The following FUT9 variants were observed in gnomAD, a reference collection of about 807,000 sequenced individuals.
The protein encoded by FUT9 is 4-galactosyl-N-acetylglucosaminide 3-alpha-L-fucosyltransferase 9.
Under a neutral mutation model 29.7 loss-of-function variants are expected in FUT9, and 15 were observed. That is an observed-to-expected ratio of 0.51 (90% CI 0.34 to 0.78). FUT9 has a LOEUF of 0.78. FUT9 is among the 30% of genes least tolerant of loss of function. The pLI is 0.01. For missense variants in FUT9, 319 were observed against 425.4 expected (o/e 0.75, Z 2.20); for synonymous variants, 169 against 153.7 (o/e 1.10, Z -0.74).
chr6:96,119,211 T>C (rs1189386454), intron 2 of FUT9, among the ~76,000 whole-genome samples: 1 of 152,226 alleles, frequency 6.6e-6, no homozygotes, highest in Non-Finnish European at 1.5e-5. Flanking sequence ...CTTCCAGTCC[T>C]GCAAGCTCCA....
chr6:96,182,909 C>T (rs1464101044), intron 2 of FUT9, among the ~76,000 whole-genome samples: 2 of 151,894 alleles, frequency 1.3e-5, no homozygotes, highest in Non-Finnish European at 2.9e-5. Flanking sequence ...CTTAGTCTTG[C>T]TTCCGCTATG....
At chr6:96,133,898 T>C (rs560023020) in intron 2 of FUT9, among the ~76,000 whole-genome samples, 3 of 152,016 alleles carry the variant, frequency 2.0e-5, no homozygotes, top group East Asian at 3.9e-4. Flanking sequence ...CGAATAAGGA[T>C]AGTTTCACTT....
intron 2 of FUT9, among the ~76,000 whole-genome samples, chr6:96,168,006 G>T (rs185586986): frequency 6.6e-6 from 1 of 152,170 alleles, no homozygotes; most frequent in African/African-American, 2.4e-5. Context: ...GGATACACAC[G>T]CAAGAGAAGG....
At chr6:96,116,890 G>A (rs1462442394) in intron 2 of FUT9, among the ~76,000 whole-genome samples, 1 of 151,924 alleles carries the variant, frequency 6.6e-6, no homozygotes, top group Non-Finnish European at 1.5e-5. Context: ...AAATTACTGT[G>A]CTCATCAAAA....
rs1317901140 is a variant in FUT9, at chr6:96,212,133, A to G, written c.*7898A>G. The G allele has an allele frequency of 2.4e-6, 1 of 412,612 alleles. No individual in the cohort carries two copies. Among genetic ancestry groups the G allele is most frequent in the Non-Finnish European group, 4.4e-6 (1 of 225,622 alleles). 25.6% of individuals were successfully genotyped at this position (412,612 alleles called of 1,614,324 possible). On this transcript the variant is annotated 3_prime_UTR_variant, in exon 3 of 3. Transcript: ENST00000302103. ...GAAGCAGTATCCAAAGGCTAAATTA[A>G]CAACCCAGGACTACCACTCATTATG...
At chr6:96,191,837 C>T (rs918672893) in intron 2 of FUT9, among the ~76,000 whole-genome samples, 2 of 152,180 alleles carry the variant, frequency 1.3e-5, no homozygotes, top group African/African-American at 4.8e-5. Context: ...AGCAGCACAT[C>T]AAAAAGCTTA....
intron 2 of FUT9, among the ~76,000 whole-genome samples, chr6:96,142,274 G>A (rs540341718): frequency 6.7e-4 from 102 of 152,210 alleles, no homozygotes; most frequent in African/African-American, 2.4e-3. Flanking sequence ...AAAGATAAGA[G>A]TAATCTCATA....
chr6:96,131,692 C>A (rs978310910), intron 2 of FUT9, among the ~76,000 whole-genome samples: 2 of 152,104 alleles, frequency 1.3e-5, no homozygotes, highest in Non-Finnish European at 2.9e-5. Flanking sequence ...GAGTCATTCT[C>A]ATAAGTACCC....
At chr6:96,113,645 G>A (rs1771853025) in intron 1 of FUT9, among the ~76,000 whole-genome samples, 1 of 151,488 alleles carries the variant, frequency 6.6e-6, no homozygotes, top group Non-Finnish European at 1.5e-5. Context: ...CACGTCAGGA[G>A]ATCAAGACCA....
intron 1 of FUT9, among the ~76,000 whole-genome samples, chr6:96,049,375 A>C (rs959502141): frequency 5.3e-5 from 8 of 152,204 alleles, no homozygotes; most frequent in Non-Finnish European, 4.4e-5. Flanking sequence ...GATAAAATTC[A>C]GTGTTTAAAT....
Position 96,196,094 on chromosome 6 carries a change from T to C in FUT9, c.-8-7054T>C, listed in dbSNP as rs907111420. 1.4e-4 allele frequency among the ~76,000 whole-genome samples: 21 copies of C among 152,232 alleles called. 1 individual carries two copies. Among genetic ancestry groups the C allele is most frequent in the African/African-American group, 4.8e-4 (20 of 41,546 alleles). On this transcript the variant is annotated intron_variant, in intron 2 of 2. Coordinates refer to ENST00000302103, the MANE Select transcript of FUT9 (RefSeq NM_006581.4). ...GATACATACTTTGGATCCTGGAATA[T>C]TAGGGGAAGAAGACGGGGAAGCGAT...
chr6:96,134,322 A>C (rs940766962), intron 2 of FUT9, among the ~76,000 whole-genome samples: 7 of 151,818 alleles, frequency 4.6e-5, no homozygotes, highest in African/African-American at 1.7e-4. Context: ...TTGTCCTGTG[A>C]CTATATCATG....
rs570099739 is a variant in FUT9 at position 96,049,179 on chromosome 6, G to A, written c.-98+32967G>A. ...GTCAGAAAGTAATGGATAGGAAGAA[G>A]AGGCGGACATAGAGTCATCAAATCA... On this transcript the variant is annotated intron_variant, in intron 1 of 2. Transcript: ENST00000302103. Among the ~76,000 whole-genome samples the A allele has an allele frequency of 4.9e-4, 74 of 152,292 alleles. 1 individual carries two copies. The East Asian group carries it at 0.014, about 28-fold the overall frequency.
chr6:96,097,834 A>G (rs879818598), intron 1 of FUT9, among the ~76,000 whole-genome samples: 1 of 152,148 alleles, frequency 6.6e-6, no homozygotes, highest in Non-Finnish European at 1.5e-5. Context: ...TTTTTCCACT[A>G]GACAAGTCCT....
At chr6:96,107,625 C>G (rs1356298969) in intron 1 of FUT9, among the ~76,000 whole-genome samples, 1 of 152,124 alleles carries the variant, frequency 6.6e-6, no homozygotes, top group Non-Finnish European at 1.5e-5. Flanking sequence ...AAATCTATGT[C>G]AAACATCTAT....
At chr6:96,068,974 A>G (rs2127946725) in intron 1 of FUT9, among the ~76,000 whole-genome samples, 1 of 152,370 alleles carries the variant, frequency 6.6e-6, no homozygotes, top group East Asian at 1.9e-4. Flanking sequence ...AATTAAAAAT[A>G]TAAAGAAAAT....
chr6:96,164,274 T>TG (rs71012543), intron 2 of FUT9, among the ~76,000 whole-genome samples: 1 of 137,262 alleles, frequency 7.3e-6, no homozygotes, highest in African/African-American at 2.7e-5. Flanking sequence ...TTTTTTTTTT[T>TG]GAGACGGAGT....
intron 1 of FUT9, among the ~76,000 whole-genome samples, chr6:96,056,612 T>A (rs1770773642): frequency 6.6e-6 from 1 of 152,042 alleles, no homozygotes; most frequent in Non-Finnish European, 1.5e-5. Flanking sequence ...CAGCTGGGTG[T>A]GGTGGCATGT....
chr6:96,096,175 A>G (rs909092689), intron 1 of FUT9, among the ~76,000 whole-genome samples: 1 of 152,112 alleles, frequency 6.6e-6, no homozygotes, highest in Non-Finnish European at 1.5e-5. Flanking sequence ...GTAAATGGCA[A>G]CTACATCCAG....
Sources: gnomAD v4.1 joint callset for allele counts (sites outside exome capture counted in the v4.1 genomes callset) on GRCh38, gnomAD v4.1.1 for gene constraint, MANE v1.5 for transcripts, NCBI Gene and HGNC (gene_info 2026-07-23, HGNC 2026-07-21) for gene names.